The following XRCC4 variants were observed in gnomAD, a reference collection of about 807,000 sequenced individuals.
XRCC4 encodes DNA repair protein XRCC4.
A neutral mutation model predicts 39.1 loss-of-function variants in XRCC4; 28 were observed. That is an observed-to-expected ratio of 0.72 (90% CI 0.53 to 0.98). The LOEUF (loss-of-function observed/expected upper bound fraction) is 0.98, where lower values mean the gene tolerates loss of function less well. XRCC4 is among the 50% of genes least tolerant of loss of function. XRCC4 has a pLI of 0.00. For synonymous variants in XRCC4, 123 were observed against 126.4 expected (o/e 0.97, Z 0.18); for missense variants, 350 against 376.4 (o/e 0.93, Z 0.58).
At chr5:83,296,165 G>C (rs1005444301) in intron 7 of XRCC4, among the ~76,000 whole-genome samples, 6 of 152,032 alleles carry the variant, frequency 3.9e-5, no homozygotes, top group African/African-American at 1.4e-4. Context: ...TTATGCCAAA[G>C]TATTAAGTAT....
At position 83,131,856 on chromosome 5, in the gene XRCC4, A is replaced by C. The variant is rs562674749; in HGVS notation, c.315+20653A>C. ...TCCAATCTGCCTGTCTGTGTCTTTT[A>C]ATTGGAGCATTTAGCCCATTTACAT... On this transcript the variant is annotated intron_variant, in intron 3 of 7. Transcript: ENST00000396027. 1.6e-4 allele frequency among the ~76,000 whole-genome samples: 25 copies of C among 152,188 alleles called. 1 individual carries two copies. In the East Asian group the frequency reaches 4.8e-3, roughly 29 times the overall value.
chr5:83,183,279 C>T (rs1369596815), intron 3 of XRCC4, among the ~76,000 whole-genome samples: 1 of 152,030 alleles, frequency 6.6e-6, no homozygotes, highest in East Asian at 1.9e-4. Context: ...GGACTCATGT[C>T]TACACATTTT....
At chr5:83,133,226 T>C (rs1186503030) in intron 3 of XRCC4, among the ~76,000 whole-genome samples, 1 of 152,172 alleles carries the variant, frequency 6.6e-6, no homozygotes, top group Non-Finnish European at 1.5e-5. Context: ...TGGCAAATGC[T>C]GCTGCCTGAT....
intron 3 of XRCC4, among the ~76,000 whole-genome samples, chr5:83,152,663 C>T (rs1292530521): frequency 1.4e-5 from 2 of 147,170 alleles, no homozygotes; most frequent in African/African-American, 5.0e-5. Flanking sequence ...AGAAATAGAA[C>T]TTCAAATATA....
intron 7 of XRCC4, among the ~76,000 whole-genome samples, chr5:83,269,079 T>C (rs1414866932): frequency 1.3e-5 from 2 of 152,198 alleles, no homozygotes; most frequent in Non-Finnish European, 2.9e-5. Context: ...TCTCACTGAA[T>C]AATAAGATGG....
intron 2 of XRCC4, among the ~76,000 whole-genome samples, chr5:83,107,976 T>C (rs1020143982): frequency 1.6e-4 from 24 of 151,872 alleles, no homozygotes; most frequent in African/African-American, 5.8e-4. Context: ...GCTAGTTATA[T>C]ATAGGTATCT....
At chr5:83,300,717 C>G (rs1410948236) in intron 7 of XRCC4, among the ~76,000 whole-genome samples, 1 of 151,782 alleles carries the variant, frequency 6.6e-6, no homozygotes, top group Non-Finnish European at 1.5e-5. Flanking sequence ...TCTCCTAATG[C>G]TATCCCTCCT....
At chr5:83,183,154 A>G (rs990279741) in intron 3 of XRCC4, among the ~76,000 whole-genome samples, 1 of 152,062 alleles carries the variant, frequency 6.6e-6, no homozygotes, top group Non-Finnish European at 1.5e-5. Flanking sequence ...TCTGTAACCT[A>G]TTTTATTGCT....
At chr5:83,363,036 G>A in the XRCC4 span, among the ~76,000 whole-genome samples, 1 of 152,196 alleles carries the variant, frequency 6.6e-6, no homozygotes, top group African/African-American at 2.4e-5. Flanking sequence ...ACAAAGGAAG[G>A]AGGCAGACGT....
intron 3 of XRCC4, among the ~76,000 whole-genome samples, chr5:83,137,019 TCA>T (rs1747931610): frequency 6.6e-6 from 1 of 152,142 alleles, no homozygotes; most frequent in African/African-American, 2.4e-5. Context: ...GGTGATTATT[TCA>T]CATTGTAGAC....
At chr5:83,193,749 C>A (rs1296838594) in intron 3 of XRCC4, among the ~76,000 whole-genome samples, 1 of 152,104 alleles carries the variant, frequency 6.6e-6, no homozygotes, top group African/African-American at 2.4e-5. Context: ...CTAAAAATGT[C>A]CACTTCTCTC....
intron 1 of XRCC4, among the ~76,000 whole-genome samples, chr5:83,093,986 T>C (rs1441504565): frequency 6.6e-6 from 1 of 152,144 alleles, no homozygotes; most frequent in Non-Finnish European, 1.5e-5. Flanking sequence ...TTATTTTTAT[T>C]GGAACCCTTT....
intron 7 of XRCC4, among the ~76,000 whole-genome samples, chr5:83,275,031 T>C (rs538970648): frequency 2.6e-4 from 39 of 152,292 alleles, no homozygotes; most frequent in African/African-American, 8.9e-4. Flanking sequence ...GTTTTAACAG[T>C]AGTCCAAGTG....
At chr5:83,216,886 G>A (rs183068555) in intron 6 of XRCC4, among the ~76,000 whole-genome samples, 515 of 152,230 alleles carry the variant, frequency 3.4e-3, no homozygotes, top group African/African-American at 0.012. Flanking sequence ...AACTGATTGA[G>A]GTGATCGTTG....
At chr5:83,244,265 A>G (rs1159285970) in intron 6 of XRCC4, among the ~76,000 whole-genome samples, 2 of 152,002 alleles carry the variant, frequency 1.3e-5, no homozygotes, top group East Asian at 1.9e-4. Context: ...TCTGATTTCT[A>G]TGTTGTAGGA....
chr5:83,365,724 T>A, the XRCC4 span, among the ~76,000 whole-genome samples: 1 of 152,216 alleles, frequency 6.6e-6, no homozygotes, highest in African/African-American at 2.4e-5. Flanking sequence ...GGAAATAGTC[T>A]CTAAAAGTGC....
intron 6 of XRCC4, among the ~76,000 whole-genome samples, chr5:83,234,087 G>A (rs1386775568): frequency 1.3e-5 from 2 of 151,948 alleles, no homozygotes; most frequent in Non-Finnish European, 2.9e-5. Context: ...TGAAATTTAA[G>A]GAGAAAATTA....
intron 5 of XRCC4, 37 bp downstream of exon 5, chr5:83,203,744 T>C (rs1463633823): frequency 1.9e-6 from 3 of 1,598,100 alleles, no homozygotes; most frequent in Non-Finnish European, 1.7e-6. Context: ...GACAGATGAA[T>C]ACATTTAAGT....
chr5:83,312,035 A>G (rs749242057), intron 7 of XRCC4, among the ~76,000 whole-genome samples: 1 of 152,174 alleles, frequency 6.6e-6, no homozygotes, highest in Non-Finnish European at 1.5e-5. Flanking sequence ...GCCTGGGAAC[A>G]TATATTCTGC....
Sources: gnomAD v4.1 joint callset for allele counts (sites outside exome capture counted in the v4.1 genomes callset) on GRCh38, gnomAD v4.1.1 for gene constraint, MANE v1.5 for transcripts, NCBI Gene and HGNC (gene_info 2026-07-23, HGNC 2026-07-21) for gene names.